Variants in CLEC16A observed in about 807,000 individuals in gnomAD.
CLEC16A encodes the protein C-type lectin domain containing 16A, also known as protein CLEC16A.
In CLEC16A, 51 loss-of-function variants were observed where a neutral mutation model predicts 109.5. The ratio of observed to expected loss-of-function variants is 0.47; its 90% CI spans 0.37 to 0.59. The LOEUF is 0.59. Among genes scored for constraint, CLEC16A ranks in the 20% least tolerant of loss-of-function variants. CLEC16A has a pLI of 0.00. For missense variants in CLEC16A, 1,339 were observed against 1,394.0 expected (o/e 0.96, Z 0.63); for synonymous variants, 673 against 564.2 (o/e 1.19, Z -2.73).
intron 11 of CLEC16A, among the ~76,000 whole-genome samples, chr16:11,008,838 A>C (rs1228211673): frequency 1.3e-5 from 2 of 150,414 alleles, no homozygotes; most frequent in Non-Finnish European, 3.0e-5. Flanking sequence ...AAAAAAAAAA[A>C]AAAAAAAAAA....
At chr16:11,025,022 C>A in intron 13 of CLEC16A, 101 bp downstream of exon 13, 1 of 862,912 alleles carries the variant, frequency 1.2e-6, no homozygotes, top group Non-Finnish European at 1.9e-6. Flanking sequence ...GCTTTCTGTA[C>A]AGAATTTCCT....
chr16:11,076,327 A>G (rs1023743376), intron 19 of CLEC16A, among the ~76,000 whole-genome samples: 1 of 152,142 alleles, frequency 6.6e-6, no homozygotes, highest in Non-Finnish European at 1.5e-5. Context: ...TCTGCCCCAC[A>G]GGGCTGCCAA....
At chr16:11,079,993 C>T (rs1001986809) in intron 19 of CLEC16A, among the ~76,000 whole-genome samples, 2 of 152,322 alleles carry the variant, frequency 1.3e-5, no homozygotes, top group Middle Eastern at 6.8e-3. Flanking sequence ...GGGCCCCTGG[C>T]TTCAGCGGCT....
chr16:11,175,547 T>C (rs1277152525), intron 23 of CLEC16A, among the ~76,000 whole-genome samples: 1 of 152,214 alleles, frequency 6.6e-6, no homozygotes, highest in Non-Finnish European at 1.5e-5. Context: ...AGAGTTCTCC[T>C]TTTTCACCTG....
At chr16:10,946,540 C>T (rs36094971) in intron 1 of CLEC16A, among the ~76,000 whole-genome samples, 25,243 of 151,502 alleles carry the variant, frequency 0.17, 2,661 homozygotes, top group Middle Eastern at 0.24. Flanking sequence ...GGCAGCTGGC[C>T]GGGAAAGGGA....
intron 7 of CLEC16A, among the ~76,000 whole-genome samples, chr16:10,974,300 C>CT (rs2042937054): frequency 6.6e-6 from 1 of 152,078 alleles, no homozygotes; most frequent in Admixed American, 6.5e-5. Flanking sequence ...ACATTGTGTA[C>CT]TTTAAATAAT....
chr16:10,944,633 C>G lies in CLEC16A; in HGVS notation c.-85C>G. On this transcript the variant is annotated 5_prime_UTR_variant, in exon 1 of 24. Coordinates refer to ENST00000409790, the MANE Select transcript of CLEC16A (RefSeq NM_015226.3). ...CCACCGCCTCCGCCGCCGCATCCTCCGCTTGTGCTACCGCCGCGGGCGCTG... is the reference window on the plus strand; with the variant it reads ...CCACCGCCTCCGCCGCCGCATCCTCGGCTTGTGCTACCGCCGCGGGCGCTG... The G allele has an allele frequency of 7.5e-7, 1 of 1,334,102 alleles. No homozygotes were observed. Among genetic ancestry groups the G allele is most frequent in the Non-Finnish European group, 1.0e-6 (1 of 962,686 alleles). The allele number at this position is 1,334,102 out of a possible 1,614,324, so 82.6% of individuals were successfully genotyped here.
At chr16:10,958,001 G>T (rs894014539) in intron 2 of CLEC16A, 91 bp downstream of exon 2, 1 of 1,287,970 alleles carries the variant, frequency 7.8e-7, no homozygotes, top group African/African-American at 1.5e-5. Context: ...ATGATGTCAG[G>T]ATTTGACGCT....
intron 22 of CLEC16A, chr16:11,126,387 G>A: frequency 7.0e-7 from 1 of 1,437,426 alleles, no homozygotes; most frequent in Middle Eastern, 2.0e-4. Context: ...GTATGTGGAA[G>A]AACTTCTCAG....
At chr16:10,972,605 T>C (rs1250246478) in intron 6 of CLEC16A, 46 bp downstream of exon 6, 1 of 1,538,944 alleles carries the variant, frequency 6.5e-7, no homozygotes, top group Non-Finnish European at 9.0e-7. Context: ...TCTACCCTTA[T>C]ATGTAAATAC....
At chr16:11,078,102 G>C (rs565507155) in intron 19 of CLEC16A, among the ~76,000 whole-genome samples, 1 of 152,034 alleles carries the variant, frequency 6.6e-6, no homozygotes, top group Non-Finnish European at 1.5e-5. Context: ...AAGTGAAAAT[G>C]TGTTTGCCAC....
intron 10 of CLEC16A, among the ~76,000 whole-genome samples, chr16:10,998,216 A>G (rs2044444959): frequency 6.6e-6 from 1 of 152,238 alleles, no homozygotes. Context: ...ACCAGCAGGC[A>G]GGTGCAGACG....
chr16:11,076,598 T>C (rs12444495), intron 19 of CLEC16A, among the ~76,000 whole-genome samples: 125,795 of 152,124 alleles, frequency 0.83, 52,225 homozygotes, highest in East Asian at 0.93. Context: ...GATCCGGTGA[T>C]TGCTCAGGCC....
At chr16:11,003,339 C>T (rs202190519) in intron 11 of CLEC16A, 34 bp downstream of exon 11, 133 of 1,566,836 alleles carry the variant, frequency 8.5e-5, no homozygotes, top group Middle Eastern at 4.6e-4. Context: ...CCTGTGCCTG[C>T]GCCGCCAGCC....
At chr16:11,100,731 AGT>A (rs1394228479) in intron 19 of CLEC16A, among the ~76,000 whole-genome samples, 2 of 152,238 alleles carry the variant, frequency 1.3e-5, no homozygotes, top group Non-Finnish European at 2.9e-5. Context: ...TGCTTAGCTC[AGT>A]GTCAGATGCT....
intron 11 of CLEC16A, among the ~76,000 whole-genome samples, chr16:11,015,762 T>C (rs2045708463): frequency 6.6e-6 from 1 of 152,258 alleles, no homozygotes. Flanking sequence ...AAGCTTGGCC[T>C]CCAGGCCAGG....
intron 19 of CLEC16A, among the ~76,000 whole-genome samples, chr16:11,094,193 C>G (rs1247984545): frequency 1.3e-5 from 2 of 152,166 alleles, no homozygotes; most frequent in Non-Finnish European, 2.9e-5. Flanking sequence ...TGTGGCTGTC[C>G]TAATGAACCA....
chr16:11,085,531 A>C (rs1405622831), intron 19 of CLEC16A, among the ~76,000 whole-genome samples: 2 of 152,242 alleles, frequency 1.3e-5, no homozygotes, highest in Non-Finnish European at 2.9e-5. Context: ...CCAACAACAT[A>C]ACATAGGAGG....
At chr16:10,988,405 C>A (rs1252863775) in intron 10 of CLEC16A, among the ~76,000 whole-genome samples, 2 of 152,064 alleles carry the variant, frequency 1.3e-5, no homozygotes, top group Non-Finnish European at 2.9e-5. Context: ...TTCCCTCCTC[C>A]CATGAGGACA....
Sources: allele counts gnomAD v4.1 joint callset (sites outside exome capture counted in the v4.1 genomes callset), GRCh38; gene constraint gnomAD v4.1.1; transcripts MANE v1.5; gene names NCBI Gene and HGNC (gene_info 2026-07-23, HGNC 2026-07-21).